The following MYO18B variants were observed in gnomAD, a reference collection of about 807,000 sequenced individuals.
MYO18B encodes unconventional myosin-XVIIIb.
In MYO18B, 204 loss-of-function variants were observed where a neutral mutation model predicts 273.0. The observed-to-expected ratio is 0.75, with a 90% CI of 0.67 to 0.84. The LOEUF is 0.84. Ranked by LOEUF, MYO18B falls within the 40% of genes least tolerant of loss-of-function variation. The pLI is 0.00. For synonymous variants in MYO18B, 1,330 were observed against 1,305.7 expected, an observed-to-expected ratio of 1.02 and a Z score of -0.40; for missense variants, 3,212 against 3,287.6, an observed-to-expected ratio of 0.98 and a Z score of 0.56.
chr22:26,014,330 C>T (rs962894436), intron 42 of MYO18B, among the ~76,000 whole-genome samples: 3 of 152,118 alleles, frequency 2.0e-5, no homozygotes, highest in East Asian at 1.9e-4. Context: ...TATGTATATA[C>T]GTCTGTCTAT....
chr22:25,948,451 C>CT (rs1569225189), intron 36 of MYO18B, among the ~76,000 whole-genome samples: 18 of 99,102 alleles, frequency 1.8e-4, no homozygotes, highest in African/African-American at 7.8e-4. Context: ...TCCTTCCTTC[C>CT]TTCCTTCCTT....
At chr22:25,871,762 T>C (rs2091051731) in intron 22 of MYO18B, among the ~76,000 whole-genome samples, 1 of 152,068 alleles carries the variant, frequency 6.6e-6, no homozygotes, top group African/African-American at 2.4e-5. Flanking sequence ...GGCCTTCTGG[T>C]CGGCAATATG....
In MYO18B at chr22:25,883,158, C is replaced by T. The variant is rs764324106; in HGVS notation, c.4314+5110C>T. Among the ~76,000 whole-genome samples the T allele has an allele frequency of 6.6e-6, 1 of 152,156 alleles. No individual in the cohort carries two copies. The highest frequency in any genetic ancestry group is 1.5e-5 in the Non-Finnish European group (1 of 68,032). ...AAGCGATCCTCCTGCCTTGGCCTCC[C>T]AGAGTGCTGGCGTGAACCATTGCAC... is the stretch of plus-strand genomic sequence containing the variant. On this transcript the variant is annotated intron_variant, in intron 25 of 43. Transcript: ENST00000335473. The surrounding 1 kb of genome is among the most constrained non-coding windows in gnomAD (Gnocchi z 7.6).
At chr22:26,024,970 G>A (rs1206664118) in intron 42 of MYO18B, among the ~76,000 whole-genome samples, 1 of 152,166 alleles carries the variant, frequency 6.6e-6, no homozygotes, top group Non-Finnish European at 1.5e-5. Flanking sequence ...ATCTCACTGT[G>A]TCATCACACA....
At chr22:25,807,757 C>T (rs778222033) in intron 12 of MYO18B, among the ~76,000 whole-genome samples, 2 of 152,084 alleles carry the variant, frequency 1.3e-5, no homozygotes, top group Non-Finnish European at 2.9e-5. Flanking sequence ...AAACCAAATT[C>T]CACCCCTAGA....
At chr22:25,917,570 G>GTGTGTGTGTT (rs1448844854) in intron 33 of MYO18B, among the ~76,000 whole-genome samples, 6 of 151,696 alleles carry the variant, frequency 4.0e-5, no homozygotes, top group African/African-American at 1.5e-4. Context: ...GTGTGTGTGT[G>GTGTGTGTGTT]TGTGTGTGTG....
At chr22:25,841,111 A>G (rs1253015212) in intron 17 of MYO18B, among the ~76,000 whole-genome samples, 2 of 152,138 alleles carry the variant, frequency 1.3e-5, no homozygotes, top group African/African-American at 4.8e-5. Flanking sequence ...TGTTCCCACA[A>G]GGGCCAGCAG....
At chr22:25,940,542 A>G (rs2092631957) in intron 34 of MYO18B, among the ~76,000 whole-genome samples, 1 of 152,194 alleles carries the variant, frequency 6.6e-6, no homozygotes, top group Non-Finnish European at 1.5e-5. Flanking sequence ...TCACAGGCTC[A>G]TAGATGGAGG....
At chr22:25,982,329 G>A (rs975848424) in intron 39 of MYO18B, among the ~76,000 whole-genome samples, 1 of 152,206 alleles carries the variant, frequency 6.6e-6, no homozygotes, top group Non-Finnish European at 1.5e-5. Context: ...CAGTGAGCCT[G>A]CTTGGAAGGG....
At chr22:25,913,359 T>TTGTTCTTTTC (rs112169882) in intron 33 of MYO18B, among the ~76,000 whole-genome samples, 2 of 151,192 alleles carry the variant, frequency 1.3e-5, no homozygotes, top group Non-Finnish European at 2.9e-5. Context: ...TGATTGTGGC[T>TTGTTCTTTTC]TTTTCTTTTC....
At chr22:25,778,219 C>A (rs2086994255) in intron 8 of MYO18B, among the ~76,000 whole-genome samples, 2 of 152,048 alleles carry the variant, frequency 1.3e-5, no homozygotes, top group African/African-American at 4.8e-5. Flanking sequence ...TCATGAGAAG[C>A]TAATAGCCAG....
intron 12 of MYO18B, among the ~76,000 whole-genome samples, chr22:25,804,597 G>A (rs1311704804): frequency 2.0e-5 from 3 of 152,234 alleles, no homozygotes; most frequent in Admixed American, 6.5e-5. Flanking sequence ...TCTTCTGTGT[G>A]TGTGTGTGAG....
intron 11 of MYO18B, among the ~76,000 whole-genome samples, chr22:25,789,327 T>TAA (rs34023304): frequency 6.6e-6 from 1 of 151,064 alleles, no homozygotes; most frequent in East Asian, 1.9e-4. Flanking sequence ...AGCATCTGTT[T>TAA]AAAAAAAAAA....
chr22:25,885,465 A>G (rs1330045445), intron 25 of MYO18B, among the ~76,000 whole-genome samples: 1 of 152,128 alleles, frequency 6.6e-6, no homozygotes, highest in Non-Finnish European at 1.5e-5. Flanking sequence ...AGGTGAGGGG[A>G]CATTCCAGGT....
intron 42 of MYO18B, among the ~76,000 whole-genome samples, chr22:26,016,673 A>G (rs1935355940): frequency 6.6e-6 from 1 of 152,172 alleles, no homozygotes; most frequent in African/African-American, 2.4e-5. Context: ...CCATTCTACA[A>G]GCTTTCTTTG....
chr22:26,025,296 G>A (rs922463006), intron 42 of MYO18B, among the ~76,000 whole-genome samples: 2 of 152,172 alleles, frequency 1.3e-5, no homozygotes, highest in Admixed American at 6.5e-5. Context: ...GGTCACTGTG[G>A]TCAGTTCTAT....
intron 34 of MYO18B, among the ~76,000 whole-genome samples, chr22:25,942,651 A>G (rs879570383): frequency 1.3e-5 from 2 of 152,178 alleles, no homozygotes; most frequent in Non-Finnish European, 2.9e-5. Flanking sequence ...CCTTTATCAA[A>G]AGGTCCTAAT....
At chr22:26,026,370 G>T in intron 42 of MYO18B, 75 bp from the exon 43 acceptor site, 1 of 1,490,084 alleles carries the variant, frequency 6.7e-7, no homozygotes, top group South Asian at 1.3e-5. Context: ...CCTGTGCTTA[G>T]GGGCTCTCAC....
intron 13 of MYO18B, among the ~76,000 whole-genome samples, chr22:25,824,002 G>A (rs1246981049): frequency 6.6e-6 from 1 of 152,180 alleles, no homozygotes; most frequent in Admixed American, 6.5e-5. Flanking sequence ...CTACTAAGTA[G>A]GGGAAAGACT....
Sources: gnomAD v4.1 joint callset for allele counts (sites outside exome capture counted in the v4.1 genomes callset) on GRCh38, gnomAD v4.1.1 for gene constraint, Gnocchi (gnomAD v3.1) non-coding constraint, MANE v1.5 for transcripts, NCBI Gene and HGNC (gene_info 2026-07-23, HGNC 2026-07-21) for gene names.